The following PRR16 variants were observed in gnomAD, a reference collection of about 807,000 sequenced individuals.
PRR16 encodes proline rich 16.
In PRR16, 6 loss-of-function variants were observed where a neutral mutation model predicts 18.2. The observed-to-expected ratio is 0.33, with a 90% CI of 0.18 to 0.65. The LOEUF (loss-of-function observed/expected upper bound fraction) is 0.65. Ranked by LOEUF, PRR16 falls within the 30% of genes least tolerant of loss-of-function variation. PRR16 has a pLI of 0.74. For missense variants in PRR16, 412 were observed against 376.6 expected (o/e 1.09, Z -0.78); for synonymous variants, 151 against 147.8 (o/e 1.02, Z -0.16).
the PRR16 span, among the ~76,000 whole-genome samples, chr5:120,708,333 T>TTTTTGA: frequency 1.3e-5 from 2 of 152,238 alleles, no homozygotes; most frequent in Non-Finnish European, 2.9e-5. Context: ...ACTTTAAAAG[T>TTTTTGA]TAAATCAAAT....
At chr5:120,613,823 A>G (rs1474346574) in intron 1 of PRR16, among the ~76,000 whole-genome samples, 1 of 152,226 alleles carries the variant, frequency 6.6e-6, no homozygotes, top group Non-Finnish European at 1.5e-5. Context: ...TGGACTGAGA[A>G]TCCAATAGCC....
At chr5:120,707,454 C>A in the PRR16 span, among the ~76,000 whole-genome samples, 3 of 152,284 alleles carry the variant, frequency 2.0e-5, no homozygotes, top group Middle Eastern at 6.8e-3. Context: ...ACAAAGTTCT[C>A]TCTAAAGTTC....
chr5:120,642,380 A>G (rs549414985), intron 1 of PRR16, among the ~76,000 whole-genome samples: 2 of 152,144 alleles, frequency 1.3e-5, no homozygotes, highest in Admixed American at 6.6e-5. Context: ...AATCTGTGGT[A>G]CAGAGATGTA....
At chr5:120,567,391 A>G (rs997126883) in intron 1 of PRR16, among the ~76,000 whole-genome samples, 9 of 152,066 alleles carry the variant, frequency 5.9e-5, no homozygotes, top group Non-Finnish European at 1.2e-4. Flanking sequence ...TGCTTTACCT[A>G]TCACATTTGA....
At chr5:120,656,814 T>G (rs959255168) in intron 1 of PRR16, among the ~76,000 whole-genome samples, 13 of 152,004 alleles carry the variant, frequency 8.6e-5, no homozygotes, top group Admixed American at 6.6e-4. Flanking sequence ...TCATTCAACC[T>G]ACGTTTATTA....
intron 1 of PRR16, among the ~76,000 whole-genome samples, chr5:120,671,537 C>G (rs547399361): frequency 6.6e-6 from 1 of 152,138 alleles, no homozygotes; most frequent in East Asian, 1.9e-4. Context: ...ATCTTTTTAA[C>G]AAGTAATTTA....
At chr5:120,486,097 C>A (rs997210467) in intron 1 of PRR16, among the ~76,000 whole-genome samples, 24 of 152,072 alleles carry the variant, frequency 1.6e-4, no homozygotes, top group Non-Finnish European at 2.6e-4. Context: ...GTGAATAATG[C>A]CACAATAAAC....
intron 1 of PRR16, among the ~76,000 whole-genome samples, chr5:120,649,259 G>T (rs1298620507): frequency 1.3e-5 from 2 of 151,964 alleles, no homozygotes; most frequent in Admixed American, 1.3e-4. Context: ...TAATTTTAAG[G>T]TAATGGAAAC....
chr5:120,768,542 G>A, the PRR16 span, among the ~76,000 whole-genome samples: 1 of 151,400 alleles, frequency 6.6e-6, no homozygotes, highest in Non-Finnish European at 1.5e-5. Context: ...CAGGAACTCC[G>A]AATCCTGAAT....
intron 1 of PRR16, among the ~76,000 whole-genome samples, chr5:120,565,643 T>C (rs1752712870): frequency 6.6e-6 from 1 of 152,176 alleles, no homozygotes; most frequent in Non-Finnish European, 1.5e-5. Context: ...ATCTCTACTC[T>C]CACATAAAAC....
At chr5:120,756,950 T>G in the PRR16 span, among the ~76,000 whole-genome samples, 2 of 152,228 alleles carry the variant, frequency 1.3e-5, no homozygotes, top group South Asian at 4.1e-4. Context: ...ATTTAATTAT[T>G]TAATCCTTCT....
chr5:120,504,504 C>A (rs2112847887), intron 1 of PRR16, among the ~76,000 whole-genome samples: 1 of 149,176 alleles, frequency 6.7e-6, no homozygotes, highest in Non-Finnish European at 1.5e-5. Flanking sequence ...TTGAAGTAGT[C>A]TGTCACATAC....
the PRR16 span, among the ~76,000 whole-genome samples, chr5:120,761,781 A>G: frequency 6.6e-6 from 1 of 151,952 alleles, no homozygotes; most frequent in African/African-American, 2.4e-5. Flanking sequence ...AACAATACTC[A>G]CCCTACTCTG....
At chr5:120,534,829 T>C (rs946927477) in intron 1 of PRR16, among the ~76,000 whole-genome samples, 2 of 152,212 alleles carry the variant, frequency 1.3e-5, no homozygotes, top group African/African-American at 4.8e-5. Flanking sequence ...ATACAGTTTC[T>C]TAAGTCATGT....
the PRR16 span, among the ~76,000 whole-genome samples, chr5:120,759,387 T>G: frequency 6.6e-6 from 1 of 152,138 alleles, no homozygotes; most frequent in Non-Finnish European, 1.5e-5. Context: ...TATAGAGATT[T>G]GTATCCAAAA....
At chr5:120,647,551 G>A (rs187466219) in intron 1 of PRR16, among the ~76,000 whole-genome samples, 266 of 152,034 alleles carry the variant, frequency 1.7e-3, no homozygotes, top group African/African-American at 6.2e-3. Flanking sequence ...GTATTTGACC[G>A]ACGCCTTTGG....
intron 1 of PRR16, among the ~76,000 whole-genome samples, chr5:120,559,824 ATTTC>A (rs1471753876): frequency 2.0e-5 from 3 of 151,838 alleles, no homozygotes; most frequent in African/African-American, 7.2e-5. Flanking sequence ...GTCCTGTTCA[ATTTC>A]TTTCATCAGT....
At chr5:120,700,678 C>G in the PRR16 span, among the ~76,000 whole-genome samples, 2 of 151,918 alleles carry the variant, frequency 1.3e-5, no homozygotes, top group African/African-American at 4.8e-5. Context: ...CCATCAATAC[C>G]CACAACAGTT....
chr5:120,768,807 TTGAC>T, the PRR16 span, among the ~76,000 whole-genome samples: 8 of 151,768 alleles, frequency 5.3e-5, no homozygotes, highest in African/African-American at 1.9e-4. Flanking sequence ...GAGAATAGGT[TTGAC>T]TGATTCCTTT....
Sources: gnomAD v4.1 joint callset for allele counts (sites outside exome capture counted in the v4.1 genomes callset) on GRCh38, gnomAD v4.1.1 for gene constraint, MANE v1.5 for transcripts, NCBI Gene and HGNC (gene_info 2026-07-23, HGNC 2026-07-21) for gene names.